The following SPOCK3 variants were observed in gnomAD, a reference collection of about 807,000 sequenced individuals.
The protein encoded by SPOCK3 is testican-3.
In SPOCK3, 30 loss-of-function variants were observed where a neutral mutation model predicts 56.6. The ratio of observed to expected loss-of-function variants is 0.53; its 90% CI spans 0.40 to 0.72. The LOEUF (loss-of-function observed/expected upper bound fraction) is 0.72. Among genes scored for constraint, SPOCK3 ranks in the 30% least tolerant of loss-of-function variants. SPOCK3 has a pLI of 0.00. For synonymous variants in SPOCK3, 196 were observed against 183.3 expected, an observed-to-expected ratio of 1.07 and a Z score of -0.56; for missense variants, 527 against 530.0, an observed-to-expected ratio of 0.99 and a Z score of 0.06.
chr4:166,740,522 TATTATTATC>T (rs752341829), intron 9 of SPOCK3, among the ~76,000 whole-genome samples: 3,778 of 28,912 alleles, frequency 0.13, 66 homozygotes, highest in African/African-American at 0.19. Context: ...TTATTATTAT[TATTATTATC>T]ATTATTATTT....
intron 7 of SPOCK3, among the ~76,000 whole-genome samples, chr4:166,762,200 C>A (rs961868544): frequency 7.2e-5 from 11 of 152,050 alleles, no homozygotes; most frequent in Non-Finnish European, 1.6e-4. Flanking sequence ...ATTTTCTGTG[C>A]AAGTGCTCAC....
intron 2 of SPOCK3, among the ~76,000 whole-genome samples, chr4:167,109,065 T>TATATTTATATAAAAATATATAAAAA (rs1328710834): frequency 5.6e-4 from 1 of 1,798 alleles, no homozygotes; most frequent in African/African-American, 6.5e-3. Context: ...TATATAAATA[T>TATATTTATATAAAAATATATAAAAA]TATATATTTA....
intron 6 of SPOCK3, among the ~76,000 whole-genome samples, chr4:166,824,920 T>C (rs903437050): frequency 6.6e-6 from 1 of 152,046 alleles, no homozygotes; most frequent in Admixed American, 6.6e-5. Flanking sequence ...AAAAAAGCAA[T>C]TTAAACCTAC....
At chr4:167,074,219 T>C (rs1756963447) in intron 2 of SPOCK3, among the ~76,000 whole-genome samples, 1 of 151,952 alleles carries the variant, frequency 6.6e-6, no homozygotes, top group Non-Finnish European at 1.5e-5. Context: ...GATTTATCAC[T>C]TGTGTATAGC....
intron 2 of SPOCK3, among the ~76,000 whole-genome samples, chr4:167,082,798 G>A (rs1319389866): frequency 6.9e-6 from 1 of 145,152 alleles, no homozygotes; most frequent in African/African-American, 2.6e-5. Context: ...GGAAGGGGCA[G>A]AGAGAGGACA....
chr4:167,184,112 A>G (rs1731741813), intron 2 of SPOCK3, among the ~76,000 whole-genome samples: 1 of 152,222 alleles, frequency 6.6e-6, no homozygotes, highest in South Asian at 2.1e-4. Context: ...CACATTGAAC[A>G]TATTTCTTAA....
intron 2 of SPOCK3, among the ~76,000 whole-genome samples, chr4:167,110,146 C>T (rs957490891): frequency 6.6e-6 from 1 of 152,024 alleles, no homozygotes; most frequent in Non-Finnish European, 1.5e-5. Context: ...GCTTTGACAT[C>T]GTTTGTGATC....
intron 5 of SPOCK3, among the ~76,000 whole-genome samples, chr4:166,891,824 G>A (rs1423786487): frequency 1.3e-5 from 2 of 151,950 alleles, no homozygotes; most frequent in Non-Finnish European, 2.9e-5. Flanking sequence ...AAGTTCAGGA[G>A]CAACTGTGAG....
chr4:167,103,983 C>G (rs779994397), intron 2 of SPOCK3, among the ~76,000 whole-genome samples: 1 of 152,138 alleles, frequency 6.6e-6, no homozygotes, highest in African/African-American at 2.4e-5. Flanking sequence ...CCCAAGACCA[C>G]CAAGGCAGTA....
rs189129414 is a variant in SPOCK3 at position 166,745,413 on chromosome 4, A to C, written c.932-3354T>G. On this transcript the variant is annotated intron_variant, in intron 8 of 10. Coordinates refer to ENST00000357545, the MANE Select transcript of SPOCK3 (RefSeq NM_001040159.2). ...AAATTTCATAAGTGAAGGAGAAATA[A>C]AATCCTTTACAGACAAGCAAATGCT... is the stretch of plus-strand genomic sequence containing the variant. 3.3e-3 allele frequency among the ~76,000 whole-genome samples: 510 copies of C among 152,330 alleles called. 2 individuals are homozygous for C. The highest frequency in any genetic ancestry group is 0.012 in the African/African-American group (489 of 41,574).
At chr4:167,031,769 G>C (rs969882616) in intron 3 of SPOCK3, among the ~76,000 whole-genome samples, 2 of 151,794 alleles carry the variant, frequency 1.3e-5, no homozygotes, top group African/African-American at 4.8e-5. Flanking sequence ...TTTCCTTTAG[G>C]GATCTGCCCC....
chr4:166,826,599 A>G (rs1197036096), intron 6 of SPOCK3, among the ~76,000 whole-genome samples: 3 of 152,160 alleles, frequency 2.0e-5, no homozygotes, highest in Non-Finnish European at 4.4e-5. Context: ...TTTCCAAGCC[A>G]TGAACTTAAT....
intron 2 of SPOCK3, among the ~76,000 whole-genome samples, chr4:167,159,975 T>C (rs1765147140): frequency 6.6e-6 from 1 of 152,124 alleles, no homozygotes; most frequent in South Asian, 2.1e-4. Context: ...CTTTGAAAAC[T>C]GGCACAAGAC....
At chr4:167,233,167 C>T (rs1218578492) in intron 2 of SPOCK3, among the ~76,000 whole-genome samples, 2 of 152,146 alleles carry the variant, frequency 1.3e-5, no homozygotes, top group Non-Finnish European at 2.9e-5. Context: ...GTGAGCAGCT[C>T]TTACTGGGCT....
At chr4:166,745,812 A>C (rs1260885694) in intron 8 of SPOCK3, among the ~76,000 whole-genome samples, 1 of 152,220 alleles carries the variant, frequency 6.6e-6, no homozygotes, top group Admixed American at 6.5e-5. Context: ...AACAAATGTA[A>C]AACAAAAAAA....
intron 2 of SPOCK3, among the ~76,000 whole-genome samples, chr4:167,203,158 ATTAC>A (rs1733683830): frequency 6.6e-6 from 1 of 152,000 alleles, no homozygotes; most frequent in Non-Finnish European, 1.5e-5. Context: ...ATGTGAAAAT[ATTAC>A]TTACTGATTT....
At chr4:167,159,668 A>G in intron 2 of SPOCK3, among the ~76,000 whole-genome samples, 1 of 152,204 alleles carries the variant, frequency 6.6e-6, no homozygotes, top group Non-Finnish European at 1.5e-5. Context: ...TGAATCCAGC[A>G]GCACATCAAA....
chr4:166,922,918 C>T (rs1057298395), intron 4 of SPOCK3, among the ~76,000 whole-genome samples: 2 of 152,180 alleles, frequency 1.3e-5, no homozygotes, highest in Non-Finnish European at 2.9e-5. Flanking sequence ...TCCAGAAATA[C>T]AGTTTCTAAG....
At chr4:166,921,505 CA>C (rs776130403) in intron 4 of SPOCK3, among the ~76,000 whole-genome samples, 3 of 151,968 alleles carry the variant, frequency 2.0e-5, no homozygotes, top group Non-Finnish European at 4.4e-5. Flanking sequence ...TTTGTAGAGA[CA>C]GGGGTTTCAC....
Sources: gnomAD v4.1 joint callset for allele counts (sites outside exome capture counted in the v4.1 genomes callset) on GRCh38, gnomAD v4.1.1 for gene constraint, MANE v1.5 for transcripts, NCBI Gene and HGNC (gene_info 2026-07-23, HGNC 2026-07-21) for gene names.